CCSER1: variants seen among roughly 807,000 people sequenced by gnomAD.
CCSER1 encodes serine-rich coiled-coil domain-containing protein 1.
In CCSER1, 41 loss-of-function variants were observed where a neutral mutation model predicts 82.0. The ratio of observed to expected loss-of-function variants is 0.50; its 90% CI spans 0.39 to 0.65. CCSER1 has a LOEUF of 0.65. CCSER1 is among the 30% of genes least tolerant of loss of function. CCSER1 has a pLI of 0.00. For missense variants in CCSER1, 1,119 were observed against 1,064.2 expected (o/e 1.05, Z -0.72); for synonymous variants, 414 against 383.9 (o/e 1.08, Z -0.92).
chr4:90,158,197 G>T (rs577551418), intron 1 of CCSER1, among the ~76,000 whole-genome samples: 1 of 152,102 alleles, frequency 6.6e-6, no homozygotes, highest in Admixed American at 6.5e-5. Context: ...GCGGATTTTC[G>T]TGAACCGCAA....
At chr4:90,750,361 T>A (rs1395656147) in intron 7 of CCSER1, among the ~76,000 whole-genome samples, 1 of 152,138 alleles carries the variant, frequency 6.6e-6, no homozygotes, top group African/African-American at 2.4e-5. Context: ...AAGGAGAAGT[T>A]GCTTGGGTGC....
intron 8 of CCSER1, among the ~76,000 whole-genome samples, chr4:90,898,396 G>A (rs1245410577): frequency 6.9e-6 from 1 of 144,330 alleles, no homozygotes; most frequent in Non-Finnish European, 1.5e-5. Context: ...TCCTGCCTCA[G>A]CCTCCTGAGT....
At chr4:90,456,227 G>A (rs1350567811) in intron 4 of CCSER1, among the ~76,000 whole-genome samples, 1 of 152,156 alleles carries the variant, frequency 6.6e-6, no homozygotes, top group Non-Finnish European at 1.5e-5. Context: ...CCTTCAACAG[G>A]GGAAAGAAAA....
Position 91,598,670 on chromosome 4 carries a change from G to T in CCSER1, c.2316G>T (p.Ala772=). The T allele has an allele frequency of 6.4e-7, 1 of 1,551,190 alleles. No homozygotes were observed. The highest frequency in any genetic ancestry group is 1.4e-5 in the African/African-American group (1 of 73,010). The change falls in exon 11 of 11, where the codon GCG becomes GCT. Residue 772 remains alanine (A), a synonymous_variant. Coordinates refer to ENST00000509176, the MANE Select transcript of CCSER1 (RefSeq NM_001145065.2). ...AGGACCGTTTTAGGTATTCGGCAGC[G>T]GACCAGACAAGCCCCTACAAAAACA... ...PTEDRFRYSA[A]DQTSPYKNKT...
rs567588455 is a variant in CCSER1 at position 91,291,144 on chromosome 4, G to A, written c.2217+205150G>A. ...TGTAAGCACCCAAGACGGTGCTGGC[G>A]TTATTAAAGTGTTGGATCCTTCCTT... On this transcript the variant is annotated intron_variant, in intron 10 of 10. Transcript: ENST00000509176. Among the ~76,000 whole-genome samples the A allele has an allele frequency of 5.4e-3, 824 of 151,842 alleles. 3 individuals are homozygous for A. The highest frequency in any genetic ancestry group is 0.018 in the African/African-American group (766 of 41,474).
intron 9 of CCSER1, among the ~76,000 whole-genome samples, chr4:91,041,971 T>C (rs1445924937): frequency 6.6e-6 from 1 of 152,208 alleles, no homozygotes; most frequent in Non-Finnish European, 1.5e-5. Flanking sequence ...TTTGAAACTA[T>C]CCATGGTCTT....
chr4:91,147,774 G>A (rs1729695198), intron 10 of CCSER1, among the ~76,000 whole-genome samples: 1 of 152,130 alleles, frequency 6.6e-6, no homozygotes, highest in Non-Finnish European at 1.5e-5. Flanking sequence ...CCATGAAATA[G>A]TTAAATATAT....
At chr4:91,078,588 G>A (rs1399859764) in intron 9 of CCSER1, among the ~76,000 whole-genome samples, 2 of 152,238 alleles carry the variant, frequency 1.3e-5, no homozygotes, top group African/African-American at 4.8e-5. Context: ...ACTTTGATGA[G>A]TCGAGAGAAG....
At chr4:90,455,097 C>T (rs747889413) in intron 4 of CCSER1, among the ~76,000 whole-genome samples, 2 of 152,196 alleles carry the variant, frequency 1.3e-5, no homozygotes, top group African/African-American at 2.4e-5. Flanking sequence ...AGGGCAGAAT[C>T]AATCCTACAA....
At chr4:91,350,520 G>A (rs1176930005) in intron 10 of CCSER1, among the ~76,000 whole-genome samples, 3 of 151,968 alleles carry the variant, frequency 2.0e-5, no homozygotes, top group Non-Finnish European at 4.4e-5. Flanking sequence ...ATAACAATAG[G>A]GAACAACTAT....
rs1553940962 is a variant in CCSER1 at position 90,551,706 on chromosome 4, C to CTA, written c.1725-76299_1725-76298dup. 2.3e-3 allele frequency among the ~76,000 whole-genome samples: 240 copies of CTA among 104,220 alleles called. 1 individual carries two copies. The highest frequency in any genetic ancestry group is 3.6e-3 in the African/African-American group (79 of 21,928). 68.4% of individuals were successfully genotyped at this position (104,220 alleles called of 152,430 possible). A position where few individuals can be genotyped will look rare whatever the true frequency, so the allele number is the denominator to read the frequency against. On this transcript the variant is annotated intron_variant, in intron 5 of 10. Transcript: ENST00000509176. ...TCTCTCTCTCTCTCTCTCTCTCTCT[C>CTA]TATATATATATATATATATATGTAA...
chr4:91,319,395 A>G (rs371870479), intron 10 of CCSER1, among the ~76,000 whole-genome samples: 154 of 152,126 alleles, frequency 1.0e-3, no homozygotes, highest in African/African-American at 3.1e-3. Context: ...CCAAGAGTCT[A>G]TCACCAATCC....
chr4:91,475,825 C>A (rs1489157722), intron 10 of CCSER1, among the ~76,000 whole-genome samples: 2 of 151,814 alleles, frequency 1.3e-5, no homozygotes, highest in Admixed American at 1.3e-4. Context: ...CTCTGGTAAC[C>A]ACTATTCTAC....
At chr4:90,653,511 C>T (rs934238174) in intron 6 of CCSER1, among the ~76,000 whole-genome samples, 1 of 151,822 alleles carries the variant, frequency 6.6e-6, no homozygotes, top group East Asian at 1.9e-4. Flanking sequence ...ATGATAGACA[C>T]CATGATAGAG....
chr4:91,230,420 T>A (rs980745248), intron 10 of CCSER1, among the ~76,000 whole-genome samples: 6 of 151,984 alleles, frequency 3.9e-5, no homozygotes, highest in African/African-American at 7.3e-5. Flanking sequence ...TGCTTATAGA[T>A]GTAAGGTCGA....
At chr4:90,592,133 T>C (rs913693623) in intron 5 of CCSER1, among the ~76,000 whole-genome samples, 1 of 152,056 alleles carries the variant, frequency 6.6e-6, no homozygotes, top group Admixed American at 6.6e-5. Flanking sequence ...GAAACCACCA[T>C]GGCACATGTA....
chr4:90,276,575 G>A (rs1727862221), intron 1 of CCSER1, among the ~76,000 whole-genome samples: 1 of 151,690 alleles, frequency 6.6e-6, no homozygotes, highest in South Asian at 2.1e-4. Flanking sequence ...CGAAATCCTG[G>A]CCTCAGTTGA....
intron 3 of CCSER1, among the ~76,000 whole-genome samples, chr4:90,384,122 A>ATTATT (rs1170554123): frequency 1.1e-4 from 16 of 150,356 alleles, no homozygotes; most frequent in African/African-American, 2.2e-4. Flanking sequence ...TTTTGGTGCA[A>ATTATT]TCATTTTATT....
chr4:91,373,250 C>G (rs538952179), intron 10 of CCSER1, among the ~76,000 whole-genome samples: 1 of 151,944 alleles, frequency 6.6e-6, no homozygotes, highest in Non-Finnish European at 1.5e-5. Context: ...ATTATAGGCA[C>G]ATCTCATGTT....
Sources: allele counts gnomAD v4.1 joint callset (sites outside exome capture counted in the v4.1 genomes callset), GRCh38; gene constraint gnomAD v4.1.1; transcripts MANE v1.5; gene names NCBI Gene and HGNC (gene_info 2026-07-23, HGNC 2026-07-21).